The following PKHD1 variants were observed in gnomAD, a reference collection of about 807,000 sequenced individuals.
PKHD1 encodes the protein PKHD1 ciliary IPT domain containing fibrocystin/polyductin.
A neutral mutation model predicts 412.0 loss-of-function variants in PKHD1; 291 were observed. That is an observed-to-expected ratio of 0.71 (90% confidence interval 0.64 to 0.78). The LOEUF is 0.78. Among genes scored for constraint, PKHD1 ranks in the 30% least tolerant of loss-of-function variants. The pLI is 0.00. For missense variants in PKHD1, 4,825 were observed against 4,950.7 expected (o/e 0.97, Z 0.76); for synonymous variants, 1,777 against 1,821.5 (o/e 0.98, Z 0.62).
chr6:51,697,449 T>C (rs1188186104), intron 60 of PKHD1, among the ~76,000 whole-genome samples: 2 of 152,204 alleles, frequency 1.3e-5, no homozygotes, highest in Non-Finnish European at 2.9e-5. Context: ...GAAAACACAT[T>C]CTCCTCACTT....
rs758494106 is a variant in PKHD1 at position 51,906,221 on chromosome 6, G to A, written c.6802C>T (p.Leu2268=). 27 of 1,611,610 alleles carry A rather than the reference G, an allele frequency of 1.7e-5. No homozygotes were observed. Among genetic ancestry groups the A allele is most frequent in the Non-Finnish European group, 2.0e-5 (24 of 1,178,214 alleles). The part of the protein sequence containing the change: ...VFYNILGHAL[L]VGTCTEMRYI... ...ACAAGCTTGTTTTACTTACCAACTAGCAGCGCATGACCTAAAATATTGTAG... is the reference window on the plus strand; with the variant it reads ...ACAAGCTTGTTTTACTTACCAACTAACAGCGCATGACCTAAAATATTGTAG... Residue 2268 remains leucine (L), a synonymous_variant, in exon 41 of 67, where the codon CTA becomes TTA. Transcript: ENST00000371117.
chr6:52,024,600 A>G lies in PKHD1; in HGVS notation c.5210T>C (p.Ile1737Thr). The G allele has an allele frequency of 1.9e-6, 3 of 1,614,152 alleles. No homozygotes were observed. Among genetic ancestry groups the G allele is most frequent in the East Asian group, 2.2e-5 (1 of 44,886 alleles). ...SSALVFTSRV[I>T]ITAVTENFGC... ...GAAGTTCTCCGTCACTGCTGTAATA[A>G]TAACTCTTGAGGTGAACACCAGGGC... The change falls in exon 32 of 67, where the codon ATT becomes ACT. Residue 1737 changes from isoleucine to threonine, a missense_variant. Physicochemically the swap from Ile to Thr is moderately conservative, Grantham distance 89. Transcript: ENST00000371117.
chr6:51,801,893 A>G (rs953489748), intron 52 of PKHD1, among the ~76,000 whole-genome samples: 3 of 152,130 alleles, frequency 2.0e-5, no homozygotes, highest in African/African-American at 7.2e-5. Flanking sequence ...TTTAACATAC[A>G]ATGTTTATTT....
intron 39 of PKHD1, among the ~76,000 whole-genome samples, chr6:51,910,206 G>A (rs951212888): frequency 6.6e-6 from 1 of 151,988 alleles, no homozygotes; most frequent in Admixed American, 6.6e-5. Context: ...CAGGATCCAG[G>A]GCACCTTCTG....
chr6:51,733,053 G>C (rs1783413771), intron 60 of PKHD1, among the ~76,000 whole-genome samples: 1 of 152,142 alleles, frequency 6.6e-6, no homozygotes, highest in African/African-American at 2.4e-5. Flanking sequence ...GGTACTTAAG[G>C]GTAGTCAAAA....
At chr6:51,765,240 C>T (rs1398771365) in intron 55 of PKHD1, among the ~76,000 whole-genome samples, 2 of 151,870 alleles carry the variant, frequency 1.3e-5, no homozygotes, top group African/African-American at 4.8e-5. Flanking sequence ...TCCAGAGTCC[C>T]AGATACATGA....
chr6:51,829,469 C>T (rs929905224), intron 52 of PKHD1, among the ~76,000 whole-genome samples: 1 of 152,034 alleles, frequency 6.6e-6, no homozygotes, highest in Non-Finnish European at 1.5e-5. Context: ...AAACCATAGC[C>T]CAGGGTGAAT....
chr6:51,731,709 A>C (rs928318830), intron 60 of PKHD1, among the ~76,000 whole-genome samples: 1 of 152,226 alleles, frequency 6.6e-6, no homozygotes, highest in Non-Finnish European at 1.5e-5. Flanking sequence ...GGCTTAAAAA[A>C]TCAATTCTCT....
At chr6:51,791,604 T>G (rs1793759147) in intron 52 of PKHD1, among the ~76,000 whole-genome samples, 1 of 152,194 alleles carries the variant, frequency 6.6e-6, no homozygotes, top group Admixed American at 6.5e-5. Context: ...ATGGACAAAA[T>G]GCACTGCTTA....
chr6:51,901,725 G>A (rs1490833992), intron 43 of PKHD1, among the ~76,000 whole-genome samples: 1 of 149,792 alleles, frequency 6.7e-6, no homozygotes, highest in Non-Finnish European at 1.5e-5. Flanking sequence ...GGTCACCAAG[G>A]ATAAATATGT....
In PKHD1 at chr6:51,917,195, GGA is replaced by G. The variant is rs70977317; in HGVS notation, c.6122-4621_6122-4620del. On this transcript the variant is annotated intron_variant, in intron 37 of 66. Coordinates refer to ENST00000371117, the MANE Select transcript of PKHD1 (RefSeq NM_138694.4). ...AGAGGGAGAGAGGGAGAGGTGGGGGGGAGAGAGAGAGAGAGAGAGAGAAAGGA... is the reference window on the plus strand; with the variant it reads ...AGAGGGAGAGAGGGAGAGGTGGGGGGGAGAGAGAGAGAGAGAGAGAAAGGA... 7.8e-3 allele frequency among the ~76,000 whole-genome samples: 890 copies of G among 113,892 alleles called. 6 individuals carry two copies. The highest frequency in any genetic ancestry group is 9.4e-3 in the Admixed American group (87 of 9,218). The allele number at this position is 113,892 out of a possible 152,430, so 74.7% of individuals were successfully genotyped here.
At chr6:51,953,469 A>G (rs1039785377) in intron 36 of PKHD1, among the ~76,000 whole-genome samples, 4 of 152,052 alleles carry the variant, frequency 2.6e-5, no homozygotes, top group African/African-American at 9.7e-5. Flanking sequence ...ACATCTCAGG[A>G]AAGTTCTGTG....
chr6:51,659,611 G>T lies in PKHD1; in HGVS notation c.10515C>A (p.Ser3505Arg), dbSNP rs139014478. 9.7e-3 allele frequency: 15,690 copies of T among 1,613,614 alleles called. 93 individuals are homozygous for T. The highest frequency in any genetic ancestry group is 0.012 in the Non-Finnish European group (14,171 of 1,179,770). ...AACTTTCCCCTAAGAAGACGTGGGG[G>T]CTCTGGAGCTCATGGTAGAATACAG... ...LLAVFYHELQ[S>R]PHVFLGESFI... The change falls in exon 61 of 67, where the codon AGC (serine) becomes AGA (arginine). Residue 3505 changes from serine (S) to arginine (R), a missense_variant. Physicochemically the swap from Ser to Arg is moderately radical, Grantham distance 110 (BLOSUM62 -1). Transcript: ENST00000371117.
At chr6:51,996,169 C>CTTTT (rs11392839) in intron 35 of PKHD1, among the ~76,000 whole-genome samples, 4 of 98,948 alleles carry the variant, frequency 4.0e-5, no homozygotes, top group Non-Finnish European at 5.9e-5. Flanking sequence ...CGACGCCTGG[C>CTTTT]TTTTTTTTTT....
intron 48 of PKHD1, among the ~76,000 whole-genome samples, chr6:51,857,855 A>G (rs1038422504): frequency 6.6e-6 from 1 of 152,228 alleles, no homozygotes; most frequent in Non-Finnish European, 1.5e-5. Flanking sequence ...CCATGAACTA[A>G]TGAAATGAAA....
chr6:51,768,024 T>C (rs1436673520), intron 55 of PKHD1, among the ~76,000 whole-genome samples: 2 of 152,076 alleles, frequency 1.3e-5, no homozygotes, highest in Admixed American at 6.6e-5. Context: ...TGGTGTGAGA[T>C]GGTATCTCAT....
intron 60 of PKHD1, among the ~76,000 whole-genome samples, chr6:51,707,608 G>A (rs554943393): frequency 5.3e-5 from 8 of 152,056 alleles, no homozygotes; most frequent in Admixed American, 3.3e-4. Flanking sequence ...TTTCATACTT[G>A]CTAGACTTCT....
chr6:51,874,215 A>G (rs2151800622), intron 46 of PKHD1, among the ~76,000 whole-genome samples: 1 of 152,336 alleles, frequency 6.6e-6, no homozygotes, highest in South Asian at 2.1e-4. Flanking sequence ...TACAATAACA[A>G]CGAAGACAGC....
intron 34 of PKHD1, among the ~76,000 whole-genome samples, chr6:52,012,385 A>G (rs573806395): frequency 9.8e-5 from 15 of 152,300 alleles, no homozygotes; most frequent in African/African-American, 3.4e-4. Context: ...TTATTGTTAC[A>G]TATCTCTCAC....
Sources: allele counts gnomAD v4.1 joint callset (sites outside exome capture counted in the v4.1 genomes callset), GRCh38; gene constraint gnomAD v4.1.1; transcripts MANE v1.5; gene names NCBI Gene and HGNC (gene_info 2026-07-23, HGNC 2026-07-21).